Variants in TENM4 observed in about 807,000 individuals in gnomAD.
TENM4 encodes the protein teneurin-4.
A neutral mutation model predicts 243.3 loss-of-function variants in TENM4; 82 were observed. That is an observed-to-expected ratio of 0.34 (90% CI 0.28 to 0.40). The LOEUF is 0.40. Ranked by LOEUF, TENM4 falls within the 10% of genes least tolerant of loss-of-function variation. The pLI, the probability that TENM4 is intolerant of heterozygous loss-of-function variation, is 1.00. For missense variants in TENM4, 3,138 were observed against 3,673.3 expected (o/e 0.85, Z 3.77); for synonymous variants, 1,412 against 1,456.3 (o/e 0.97, Z 0.69).
chr11:78,792,520 C>T (rs1857077862), intron 15 of TENM4, among the ~76,000 whole-genome samples: 1 of 152,054 alleles, frequency 6.6e-6, no homozygotes, highest in African/African-American at 2.4e-5. Context: ...ATAGCACCAC[C>T]CTTTCCCTAC....
rs1856642107 is a variant in TENM4, at chr11:78,771,265, C to T, written c.2393-127G>A. 8 of 1,184,956 alleles carry T rather than the reference C, an allele frequency of 6.8e-6. No individual in the cohort carries two copies. In the South Asian group the frequency reaches 1.1e-4, roughly 16 times the overall value. 73.4% of individuals were successfully genotyped at this position (1,184,956 alleles called of 1,614,324 possible). A position where few individuals can be genotyped will look rare whatever the true frequency, so the allele number is the denominator to read the frequency against. ...ATCAGCACACGAATGCCCACAGCAG[C>T]CCAGGGAGGTAGGTATCATTAGGAA... On this transcript the variant is annotated intron_variant, in intron 17 of 33. Transcript: ENST00000278550.
At chr11:79,144,701 T>C (rs7114234) in intron 4 of TENM4, among the ~76,000 whole-genome samples, 11,154 of 152,094 alleles carry the variant, frequency 0.073, 1,391 homozygotes, top group African/African-American at 0.25. Flanking sequence ...CTTTGCATGT[T>C]CTCACTCATC....
chr11:79,164,060 A>ATAG (rs1227378733), intron 3 of TENM4, among the ~76,000 whole-genome samples: 6 of 18,332 alleles, frequency 3.3e-4, no homozygotes, highest in African/African-American at 1.1e-3. Context: ...TACTATGTAT[A>ATAG]TATAGTGTAT....
At chr11:79,163,953 ATATATC>A (rs1490033603) in intron 3 of TENM4, among the ~76,000 whole-genome samples, 1 of 139,330 alleles carries the variant, frequency 7.2e-6, no homozygotes, top group Non-Finnish European at 1.5e-5. Context: ...ATATAGTACT[ATATATC>A]TATATATCTA....
chr11:79,361,489 CT>C (rs1857588315), intron 1 of TENM4, among the ~76,000 whole-genome samples: 1 of 152,192 alleles, frequency 6.6e-6, no homozygotes, highest in Admixed American at 6.5e-5. Context: ...CTCTTCACCC[CT>C]TAGACTTAGT....
chr11:78,706,087 G>A (rs1859241130), intron 27 of TENM4, among the ~76,000 whole-genome samples: 1 of 152,156 alleles, frequency 6.6e-6, no homozygotes, highest in Non-Finnish European at 1.5e-5. Context: ...TCACACCTCA[G>A]TATTCTTATC....
At chr11:79,098,395 T>G (rs1393276623) in intron 4 of TENM4, among the ~76,000 whole-genome samples, 1 of 152,150 alleles carries the variant, frequency 6.6e-6, no homozygotes, top group Non-Finnish European at 1.5e-5. Flanking sequence ...CCCCTGCTCA[T>G]CACTTCCCAG....
At chr11:79,209,011 G>GAGGT (rs1863903360) in intron 3 of TENM4, among the ~76,000 whole-genome samples, 2 of 152,170 alleles carry the variant, frequency 1.3e-5, no homozygotes, top group Non-Finnish European at 2.9e-5. Flanking sequence ...ACTGACCACC[G>GAGGT]AGGTGTGCAG....
At chr11:79,301,231 C>T (rs1345216639) in intron 1 of TENM4, among the ~76,000 whole-genome samples, 1 of 152,172 alleles carries the variant, frequency 6.6e-6, no homozygotes, top group Non-Finnish European at 1.5e-5. Flanking sequence ...ATCCAAAGTC[C>T]TTCATGTGTT....
intron 9 of TENM4, 138 bp from the exon 10 acceptor site, chr11:78,863,270 C>G: frequency 3.1e-6 from 3 of 976,716 alleles, no homozygotes; most frequent in Non-Finnish European, 4.3e-6. Flanking sequence ...AAAGGAAGCT[C>G]TTGTAGTGCC....
chr11:79,231,226 A>T (rs1864366852), intron 2 of TENM4, among the ~76,000 whole-genome samples: 1 of 152,196 alleles, frequency 6.6e-6, no homozygotes, highest in Non-Finnish European at 1.5e-5. Context: ...AGGGAAAAAA[A>T]TTCAGGACCA....
intron 16 of TENM4, among the ~76,000 whole-genome samples, chr11:78,786,580 G>A (rs187120137): frequency 6.6e-6 from 1 of 152,346 alleles, no homozygotes; most frequent in Non-Finnish European, 1.5e-5. Context: ...GTGCTCATCT[G>A]CCTCATTCCT....
chr11:78,800,845 C>T (rs538420855), intron 15 of TENM4, among the ~76,000 whole-genome samples: 11 of 151,880 alleles, frequency 7.2e-5, no homozygotes, highest in South Asian at 6.3e-4. Flanking sequence ...ATCTGGACTC[C>T]GCCACTTATG....
intron 2 of TENM4, among the ~76,000 whole-genome samples, chr11:79,256,086 G>A (rs1297322988): frequency 3.3e-5 from 5 of 152,194 alleles, no homozygotes; most frequent in Non-Finnish European, 5.9e-5. Context: ...AGGCTGGGTT[G>A]TTTATTCCCC....
intron 4 of TENM4, among the ~76,000 whole-genome samples, chr11:79,137,138 T>A (rs957973089): frequency 2.0e-5 from 3 of 152,136 alleles, no homozygotes; most frequent in African/African-American, 7.2e-5. Flanking sequence ...CCTAGAGGTT[T>A]TAGTTCCAGA....
chr11:79,293,541 A>G (rs1565286701), intron 2 of TENM4, among the ~76,000 whole-genome samples: 2 of 150,576 alleles, frequency 1.3e-5, no homozygotes, highest in Non-Finnish European at 3.0e-5. Context: ...AAGAAAAAAA[A>G]GTGTTAGGGA....
chr11:79,175,333 T>C (rs192130830), intron 3 of TENM4, among the ~76,000 whole-genome samples: 3 of 152,342 alleles, frequency 2.0e-5, no homozygotes, highest in Admixed American at 2.0e-4. Context: ...GGGCACTCAC[T>C]AGTTGAAGTG....
At chr11:79,151,582 C>T (rs774594085) in intron 3 of TENM4, among the ~76,000 whole-genome samples, 5 of 152,072 alleles carry the variant, frequency 3.3e-5, no homozygotes, top group Admixed American at 6.6e-5. Flanking sequence ...GGGACCTGGC[C>T]GGGGCGCTTT....
intron 2 of TENM4, among the ~76,000 whole-genome samples, chr11:79,261,749 C>G (rs1855802236): frequency 6.6e-6 from 1 of 152,162 alleles, no homozygotes; most frequent in Non-Finnish European, 1.5e-5. Flanking sequence ...TTAAAAAGCA[C>G]AGATCTTGAC....
Sources: gnomAD v4.1 joint callset for allele counts (sites outside exome capture counted in the v4.1 genomes callset) on GRCh38, gnomAD v4.1.1 for gene constraint, MANE v1.5 for transcripts, NCBI Gene and HGNC (gene_info 2026-07-23, HGNC 2026-07-21) for gene names.